Variants in TCF20 observed in about 807,000 individuals in gnomAD.
TCF20 encodes the protein SPRE-binding protein.
Under a neutral mutation model 148.6 loss-of-function variants are expected in TCF20, and 3 were observed. The observed-to-expected ratio is 0.02, with a 90% CI of 0.01 to 0.05. The LOEUF is 0.05. TCF20 is among the 10% of genes least tolerant of loss of function. The pLI is 1.00. For missense variants in TCF20, 2,350 were observed against 2,429.3 expected (o/e 0.97, Z 0.69); for synonymous variants, 1,049 against 909.5 (o/e 1.15, Z -2.76).
At chr22:42,260,954 T>C (rs999204353) in intron 1 of TCF20, among the ~76,000 whole-genome samples, 8 of 152,212 alleles carry the variant, frequency 5.3e-5, no homozygotes, top group Non-Finnish European at 1.0e-4. Flanking sequence ...TTTTGATGAA[T>C]GCCTATCAAG....
chr22:42,202,777 C>T (rs938927810), intron 2 of TCF20, among the ~76,000 whole-genome samples: 2 of 152,214 alleles, frequency 1.3e-5, no homozygotes, highest in African/African-American at 2.4e-5. Flanking sequence ...TAGTGCAGGA[C>T]CTGTGTGCGG....
At chr22:42,242,130 G>C (rs1204361283) in intron 1 of TCF20, among the ~76,000 whole-genome samples, 2 of 146,682 alleles carry the variant, frequency 1.4e-5, no homozygotes, top group Non-Finnish European at 3.0e-5. Context: ...TTGAACCCAG[G>C]AGGCGGAGGT....
intron 1 of TCF20, among the ~76,000 whole-genome samples, chr22:42,246,108 T>C (rs752954069): frequency 2.6e-5 from 4 of 152,166 alleles, no homozygotes; most frequent in Non-Finnish European, 5.9e-5. Flanking sequence ...TTCTTTTTCT[T>C]TTTTCTTTTT....
intron 1 of TCF20, among the ~76,000 whole-genome samples, chr22:42,228,553 A>T (rs1923114204): frequency 6.6e-6 from 1 of 152,168 alleles, no homozygotes; most frequent in South Asian, 2.1e-4. Flanking sequence ...GGGAGCTTGT[A>T]CTCCATTCAC....
intron 2 of TCF20, among the ~76,000 whole-genome samples, chr22:42,194,598 G>C (rs188118518): frequency 6.6e-6 from 1 of 151,956 alleles, no homozygotes. Context: ...GGGAGAGTGT[G>C]GGGTGGGGGC....
chr22:42,181,916 G>A (rs1936795440), intron 2 of TCF20, among the ~76,000 whole-genome samples: 3 of 152,054 alleles, frequency 2.0e-5, no homozygotes, highest in Non-Finnish European at 4.4e-5. Context: ...CTCTCAAAAA[G>A]AGACAAGAGG....
At chr22:42,328,553 G>C (rs956850297) in intron 1 of TCF20, among the ~76,000 whole-genome samples, 7 of 152,122 alleles carry the variant, frequency 4.6e-5, no homozygotes, top group African/African-American at 1.7e-4. Flanking sequence ...CCAGGCTCTA[G>C]CTTCAGATCA....
chr22:42,190,278 G>A lies in TCF20; in HGVS notation c.5656-10576C>T, dbSNP rs551555377. Among the ~76,000 whole-genome samples the A allele has an allele frequency of 1.7e-3, 256 of 152,208 alleles. 2 individuals carry two copies. Among genetic ancestry groups the A allele is most frequent in the Non-Finnish European group, 3.2e-3 (220 of 67,996 alleles). On this transcript the variant is annotated intron_variant, in intron 2 of 5. Coordinates refer to ENST00000677622, the MANE Select transcript of TCF20 (RefSeq NM_001378418.1). ...GTTCAAGATTAGCCTGGGCAACAAAGAAAGGCCCTGTCTCTACAAAAAATA... is the reference window on the plus strand; with the variant it reads ...GTTCAAGATTAGCCTGGGCAACAAAAAAAGGCCCTGTCTCTACAAAAAATA...
chr22:42,203,330 C>G (rs1041420730), intron 2 of TCF20, among the ~76,000 whole-genome samples: 1 of 152,038 alleles, frequency 6.6e-6, no homozygotes, highest in African/African-American at 2.4e-5. Context: ...GAATCGTGTA[C>G]TCCTTATAAA....
intron 1 of TCF20, among the ~76,000 whole-genome samples, chr22:42,324,055 G>A (rs1927811696): frequency 6.8e-6 from 1 of 147,720 alleles, no homozygotes; most frequent in African/African-American, 2.5e-5. Flanking sequence ...GGTGGTGGTG[G>A]TGGTGATGGA....
intron 1 of TCF20, among the ~76,000 whole-genome samples, chr22:42,225,569 G>A (rs1922808018): frequency 6.8e-6 from 1 of 148,118 alleles, no homozygotes; most frequent in African/African-American, 2.5e-5. Context: ...AGCCGAGATT[G>A]CGCCACTGCA....
intron 1 of TCF20, among the ~76,000 whole-genome samples, chr22:42,245,087 G>GAGAAAA (rs1316402261): frequency 6.6e-6 from 1 of 151,844 alleles, no homozygotes; most frequent in Non-Finnish European, 1.5e-5. Context: ...TGTCTCAGAA[G>GAGAAAA]AGAAAAAGAA....
At chr22:42,277,551 G>C (rs1180351861) in intron 1 of TCF20, among the ~76,000 whole-genome samples, 2 of 152,228 alleles carry the variant, frequency 1.3e-5, no homozygotes, top group Non-Finnish European at 2.9e-5. Context: ...CATGGGCAAA[G>C]GCCCTGCGGT....
chr22:42,339,423 C>T (rs988436285), intron 1 of TCF20, among the ~76,000 whole-genome samples: 2 of 152,138 alleles, frequency 1.3e-5, no homozygotes, highest in Non-Finnish European at 2.9e-5. Context: ...ACCTGGTACC[C>T]CCTGGCTTGT....
chr22:42,162,494 G>T (rs532911989), intron 5 of TCF20, among the ~76,000 whole-genome samples: 5 of 152,320 alleles, frequency 3.3e-5, no homozygotes, highest in African/African-American at 1.2e-4. Context: ...AGGACAGATG[G>T]ATTGTACCAA....
chr22:42,251,818 T>A (rs959934632), intron 1 of TCF20, among the ~76,000 whole-genome samples: 5 of 152,106 alleles, frequency 3.3e-5, no homozygotes, highest in African/African-American at 1.2e-4. Flanking sequence ...AAGTATTTTT[T>A]AAATAATGTT....
At chr22:42,229,329 G>C (rs981631694) in intron 1 of TCF20, among the ~76,000 whole-genome samples, 4 of 152,182 alleles carry the variant, frequency 2.6e-5, no homozygotes, top group African/African-American at 9.7e-5. Flanking sequence ...AAAAGGGAAG[G>C]AGAGAGGTGA....
chr22:42,257,269 T>A (rs1925795135), intron 1 of TCF20, among the ~76,000 whole-genome samples: 1 of 152,240 alleles, frequency 6.6e-6, no homozygotes, highest in Non-Finnish European at 1.5e-5. Context: ...CCCTGTCTGC[T>A]ATGGTTTTCC....
At chr22:42,193,739 A>C (rs1044087411) in intron 2 of TCF20, among the ~76,000 whole-genome samples, 5 of 152,124 alleles carry the variant, frequency 3.3e-5, no homozygotes, top group African/African-American at 4.8e-5. Context: ...TTAGGGGCTA[A>C]GTGATGTTAT....
Sources: allele counts gnomAD v4.1 joint callset (sites outside exome capture counted in the v4.1 genomes callset), GRCh38; gene constraint gnomAD v4.1.1; transcripts MANE v1.5; gene names NCBI Gene and HGNC (gene_info 2026-07-23, HGNC 2026-07-21).